CDH13: variants seen among roughly 807,000 people sequenced by gnomAD.
CDH13 encodes the protein cadherin-13.
Under a neutral mutation model 63.8 loss-of-function variants are expected in CDH13, and 24 were observed. The observed-to-expected ratio is 0.38, with a 90% CI of 0.27 to 0.53. The LOEUF (loss-of-function observed/expected upper bound fraction) is 0.53, where lower values mean the gene tolerates loss of function less well. CDH13 is among the 20% of genes least tolerant of loss of function. The probability of loss-of-function intolerance (pLI) is 0.85; values close to 1 mark genes in which losing one functional copy is unlikely to be tolerated. For missense variants in CDH13, 1,049 were observed against 903.1 expected (o/e 1.16, Z -2.07); for synonymous variants, 503 against 355.3 (o/e 1.42, Z -4.67).
intron 11 of CDH13, among the ~76,000 whole-genome samples, chr16:83,758,443 T>A (rs1240430268): frequency 6.6e-6 from 1 of 151,958 alleles, no homozygotes; most frequent in South Asian, 2.1e-4. Context: ...ACTAGGAAAC[T>A]TTTTTAGTCT....
intron 6 of CDH13, among the ~76,000 whole-genome samples, chr16:83,424,747 CTG>C (rs1447505250): frequency 7.9e-5 from 12 of 152,176 alleles, no homozygotes; most frequent in East Asian, 1.9e-4. Context: ...TCTCTCTCGA[CTG>C]TAGTTATTTC....
At chr16:82,690,164 CA>C (rs35051579) in intron 1 of CDH13, among the ~76,000 whole-genome samples, 12,360 of 51,960 alleles carry the variant, frequency 0.24, 536 homozygotes, top group Middle Eastern at 0.41. Context: ...AACTCTGTCT[CA>C]AAAAAAAAAA....
intron 2 of CDH13, among the ~76,000 whole-genome samples, chr16:82,920,389 C>T (rs747140677): frequency 6.6e-6 from 1 of 152,192 alleles, no homozygotes; most frequent in Non-Finnish European, 1.5e-5. Context: ...AACCAAAGCA[C>T]AGGATGAAGT....
intron 5 of CDH13, among the ~76,000 whole-genome samples, chr16:83,309,043 G>C (rs913685373): frequency 6.6e-6 from 1 of 152,130 alleles, no homozygotes; most frequent in Admixed American, 6.5e-5. Flanking sequence ...TTATGCCTCA[G>C]TCCTCAGAAC....
chr16:83,001,648 G>C (rs1267538301), intron 2 of CDH13, among the ~76,000 whole-genome samples: 1 of 152,224 alleles, frequency 6.6e-6, no homozygotes, highest in African/African-American at 2.4e-5. Context: ...ACTCTGAGAA[G>C]CGAATCTCGC....
intron 2 of CDH13, among the ~76,000 whole-genome samples, chr16:82,922,477 C>G (rs1357331595): frequency 6.6e-6 from 1 of 152,170 alleles, no homozygotes; most frequent in Non-Finnish European, 1.5e-5. Flanking sequence ...TGCCCCCATC[C>G]TAGAACACAG....
chr16:83,795,300 G>C lies in CDH13; in HGVS notation c.*270G>C, dbSNP rs1407228684. ...ATATGACTTGATCTTCTGGGAGCAG[G>C]AACAATGACTACTTTTTCTGGTGTG... On this transcript the variant is annotated 3_prime_UTR_variant, in exon 14 of 14. Transcript: ENST00000567109. 4.3e-6 allele frequency: 2 copies of C among 460,196 alleles called. No individual in the cohort carries two copies. The highest frequency in any genetic ancestry group is 7.8e-6 in the Non-Finnish European group (2 of 256,754). The allele number at this position is 460,196 out of a possible 1,614,324, so 28.5% of individuals were successfully genotyped here.
In CDH13 at chr16:83,748,213, C is replaced by T. The variant is rs1048576288; in HGVS notation, c.1644C>T (p.Asn548=). 24 of 1,613,772 alleles carry T rather than the reference C, an allele frequency of 1.5e-5. No individual in the cohort carries two copies. Among genetic ancestry groups the T allele is most frequent in the African/African-American group, 8.0e-5 (6 of 74,934 alleles). Residue 548 remains asparagine (N), a synonymous_variant, in exon 11 of 14, where the codon AAC becomes AAT. Coordinates refer to ENST00000567109, the MANE Select transcript of CDH13 (RefSeq NM_001257.5). The stretch of plus-strand genomic sequence containing the variant: ...ACCGTGAGTCCCCATTTGTCGACAA[C>T]AGCGTGTACACTGCTCTCTTCCTGG... ...VLDRESPFVD[N]SVYTALFLAI...
chr16:83,562,617 T>C (rs991158017), intron 7 of CDH13, among the ~76,000 whole-genome samples: 7 of 152,170 alleles, frequency 4.6e-5, no homozygotes, highest in Non-Finnish European at 1.0e-4. Context: ...AGTGAATAGA[T>C]TGTCTTTGTT....
At chr16:83,585,427 C>T (rs150417708) in intron 7 of CDH13, among the ~76,000 whole-genome samples, 79 of 152,180 alleles carry the variant, frequency 5.2e-4, no homozygotes, top group African/African-American at 1.6e-3. Flanking sequence ...AGGCTTGACA[C>T]GAGGGGGCCC....
intron 8 of CDH13, among the ~76,000 whole-genome samples, chr16:83,620,981 T>A (rs1367059994): frequency 6.6e-6 from 1 of 152,184 alleles, no homozygotes; most frequent in African/African-American, 2.4e-5. Context: ...TGTGAATATC[T>A]GAAAGCACCT....
At chr16:83,722,381 G>T (rs928203323) in intron 10 of CDH13, among the ~76,000 whole-genome samples, 4 of 152,206 alleles carry the variant, frequency 2.6e-5, no homozygotes, top group Non-Finnish European at 5.9e-5. Context: ...TAGCAGTGTT[G>T]CCCTAGAGCC....
At chr16:82,862,539 T>G (rs1597832438) in intron 2 of CDH13, among the ~76,000 whole-genome samples, 1 of 141,882 alleles carries the variant, frequency 7.0e-6, no homozygotes, top group East Asian at 2.2e-4. Context: ...ATTGGCCACA[T>G]AGCCACCATT....
chr16:83,426,460 T>C (rs1468699190), intron 6 of CDH13, among the ~76,000 whole-genome samples: 1 of 151,912 alleles, frequency 6.6e-6, no homozygotes, highest in African/African-American at 2.4e-5. Flanking sequence ...CCATAACCTT[T>C]TGTTTCTCCC....
At chr16:82,857,704 C>T (rs943118968) in intron 1 of CDH13, among the ~76,000 whole-genome samples, 3 of 152,154 alleles carry the variant, frequency 2.0e-5, no homozygotes, top group Non-Finnish European at 2.9e-5. Flanking sequence ...ATTTTAATAA[C>T]ATATATTTAA....
chr16:82,848,451 T>A (rs539402274), intron 1 of CDH13, among the ~76,000 whole-genome samples: 1 of 152,344 alleles, frequency 6.6e-6, no homozygotes, highest in South Asian at 2.1e-4. Context: ...CAGTATGTGA[T>A]CACTTTGTGT....
chr16:83,501,350 T>G (rs1253228449), intron 7 of CDH13, among the ~76,000 whole-genome samples: 2 of 152,246 alleles, frequency 1.3e-5, no homozygotes, highest in African/African-American at 4.8e-5. Flanking sequence ...CCGTGTCTTC[T>G]AAATTGTTGT....
intron 1 of CDH13, among the ~76,000 whole-genome samples, chr16:82,773,756 A>G (rs1296472868): frequency 6.6e-6 from 1 of 151,654 alleles, no homozygotes; most frequent in Non-Finnish European, 1.5e-5. Context: ...CTTTTTCTTA[A>G]TTTATCTGTG....
At chr16:83,526,967 A>G (rs896407656) in intron 7 of CDH13, among the ~76,000 whole-genome samples, 3 of 152,036 alleles carry the variant, frequency 2.0e-5, no homozygotes, top group African/African-American at 7.2e-5. Context: ...CCCCGTCTAT[A>G]CTAAAACTAC....
Sources: allele counts gnomAD v4.1 joint callset (sites outside exome capture counted in the v4.1 genomes callset), GRCh38; gene constraint gnomAD v4.1.1; transcripts MANE v1.5; gene names NCBI Gene and HGNC (gene_info 2026-07-23, HGNC 2026-07-21).